SAMMSON: variants seen among roughly 807,000 people sequenced by gnomAD.
The protein encoded by SAMMSON is long intergenic non-protein coding RNA 1212.
intron 4 of SAMMSON, among the ~76,000 whole-genome samples, chr3:70,076,097 A>C (rs1289549450): frequency 1.3e-5 from 2 of 152,096 alleles, no homozygotes; most frequent in African/African-American, 4.8e-5. Context: ...GAAGAACTTA[A>C]TTAAGTTCCC....
intron 3 of SAMMSON, among the ~76,000 whole-genome samples, chr3:70,035,633 C>T (rs950663252): frequency 3.9e-5 from 6 of 152,146 alleles, no homozygotes; most frequent in Admixed American, 6.5e-5. Context: ...CCGAACCCTC[C>T]GCAGTTTCTC....
At chr3:70,169,582 A>C (rs2067653266) in intron 4 of SAMMSON, among the ~76,000 whole-genome samples, 1 of 151,934 alleles carries the variant, frequency 6.6e-6, no homozygotes, top group African/African-American at 2.4e-5. Flanking sequence ...CCTTGCTTTC[A>C]AAAGAAAATT....
chr3:70,189,541 G>T (rs961875107), intron 4 of SAMMSON, among the ~76,000 whole-genome samples: 1 of 152,022 alleles, frequency 6.6e-6, no homozygotes, highest in Non-Finnish European at 1.5e-5. Flanking sequence ...TTTGCACTTC[G>T]CCCAACCTAG....
chr3:70,417,380 G>A (rs1470399807), intron 2 of SAMMSON, among the ~76,000 whole-genome samples: 6 of 152,102 alleles, frequency 3.9e-5, no homozygotes, highest in African/African-American at 7.2e-5. Context: ...TCTTTCCCTA[G>A]GACAATGATC....
intron 4 of SAMMSON, among the ~76,000 whole-genome samples, chr3:70,129,952 G>A (rs940152990): frequency 6.6e-6 from 1 of 152,054 alleles, no homozygotes; most frequent in Non-Finnish European, 1.5e-5. Context: ...TACTATACTC[G>A]AGCAAATTAA....
intron 4 of SAMMSON, among the ~76,000 whole-genome samples, chr3:70,136,730 ATACTG>A (rs1483621045): frequency 6.6e-6 from 1 of 152,238 alleles, no homozygotes; most frequent in African/African-American, 2.4e-5. Flanking sequence ...GCTTAGGAGA[ATACTG>A]TATTTTATCA....
intron 7 of SAMMSON, among the ~76,000 whole-genome samples, chr3:70,318,844 G>A (rs113491222): frequency 6.6e-6 from 1 of 151,782 alleles, no homozygotes; most frequent in Non-Finnish European, 1.5e-5. Flanking sequence ...TCTGATAATG[G>A]GTCATTTTCA....
intron 4 of SAMMSON, among the ~76,000 whole-genome samples, chr3:70,133,060 C>T (rs1191502497): frequency 6.6e-6 from 1 of 152,130 alleles, no homozygotes; most frequent in African/African-American, 2.4e-5. Flanking sequence ...TTCCAACCCC[C>T]ATTTTCTAGC....
intron 7 of SAMMSON, among the ~76,000 whole-genome samples, chr3:70,308,265 C>G (rs576284171): frequency 2.6e-5 from 4 of 151,378 alleles, no homozygotes; most frequent in African/African-American, 9.7e-5. Context: ...GAGATGGTAT[C>G]TCACCACTGG....
At chr3:70,056,382 A>G (rs1056262308) in intron 3 of SAMMSON, among the ~76,000 whole-genome samples, 6 of 152,080 alleles carry the variant, frequency 3.9e-5, no homozygotes, top group African/African-American at 1.4e-4. Context: ...GAGGATTTCA[A>G]CAACAGAAGG....
At chr3:70,297,803 G>A (rs1702304186) in intron 7 of SAMMSON, among the ~76,000 whole-genome samples, 1 of 151,996 alleles carries the variant, frequency 6.6e-6, no homozygotes, top group Non-Finnish European at 1.5e-5. Flanking sequence ...ACTAAAAAGT[G>A]TTATTATCAT....
chr3:70,217,768 ATACT>A (rs1701429419), intron 4 of SAMMSON, among the ~76,000 whole-genome samples: 1 of 152,116 alleles, frequency 6.6e-6, no homozygotes, highest in Non-Finnish European at 1.5e-5. Context: ...GTGTTGAAAA[ATACT>A]TACTGAATGA....
chr3:70,103,351 G>C (rs945346496), intron 4 of SAMMSON, among the ~76,000 whole-genome samples: 1 of 152,144 alleles, frequency 6.6e-6, no homozygotes, highest in Non-Finnish European at 1.5e-5. Flanking sequence ...AGAAACGAAG[G>C]CTATGGCAAT....
intron 3 of SAMMSON, among the ~76,000 whole-genome samples, chr3:70,044,335 GA>G (rs2067116257): frequency 6.6e-6 from 1 of 151,946 alleles, no homozygotes; most frequent in African/African-American, 2.4e-5. Context: ...AGGGGATGCA[GA>G]TTTTTTTTTC....
chr3:70,384,203 A>C (rs1703101913), intron 9 of SAMMSON, among the ~76,000 whole-genome samples: 1 of 152,090 alleles, frequency 6.6e-6, no homozygotes, highest in African/African-American at 2.4e-5. Context: ...TTTTCAGTTA[A>C]AAAATATAAA....
intron 3 of SAMMSON, among the ~76,000 whole-genome samples, chr3:70,053,322 AT>A (rs1409643163): frequency 6.6e-6 from 1 of 152,132 alleles, no homozygotes; most frequent in Non-Finnish European, 1.5e-5. Flanking sequence ...TTTTCCATGC[AT>A]TACATGTAGG....
chr3:70,406,966 G>A (rs1701182837), intron 2 of SAMMSON, among the ~76,000 whole-genome samples: 1 of 152,196 alleles, frequency 6.6e-6, no homozygotes, highest in South Asian at 2.1e-4. Context: ...TGGACTTACA[G>A]TTCCACATGG....
chr3:70,249,969 T>C (rs1701745167), intron 6 of SAMMSON, among the ~76,000 whole-genome samples: 1 of 152,180 alleles, frequency 6.6e-6, no homozygotes, highest in South Asian at 2.1e-4. Context: ...TTAGATCCAC[T>C]AGCCTAGCTG....
At chr3:70,252,277 T>C (rs917235005) in intron 6 of SAMMSON, among the ~76,000 whole-genome samples, 1 of 152,198 alleles carries the variant, frequency 6.6e-6, no homozygotes, top group Non-Finnish European at 1.5e-5. Context: ...TTAAAGTATA[T>C]GTATCGTATG....
Sources: gnomAD v4.1 joint callset for allele counts (sites outside exome capture counted in the v4.1 genomes callset) on GRCh38, gnomAD v4.1.1 for gene constraint, MANE v1.5 for transcripts, NCBI Gene and HGNC (gene_info 2026-07-23, HGNC 2026-07-21) for gene names.